Variants in SUPT3H observed in about 807,000 individuals in gnomAD.
The protein encoded by SUPT3H is SPT3 homolog, SAGA and STAGA complex component.
A neutral mutation model predicts 44.3 loss-of-function variants in SUPT3H; 44 were observed. The observed-to-expected ratio is 0.99, with a 90% CI of 0.78 to 1.28. The LOEUF (loss-of-function observed/expected upper bound fraction) is 1.28. Ranked by LOEUF, SUPT3H falls within the 50% of genes most tolerant of loss-of-function variation. The probability of loss-of-function intolerance (pLI) is 0.00; values close to 1 mark genes in which losing one functional copy is unlikely to be tolerated. For synonymous variants in SUPT3H, 124 were observed against 125.6 expected, an observed-to-expected ratio of 0.99 and a Z score of 0.09; for missense variants, 380 against 387.1, an observed-to-expected ratio of 0.98 and a Z score of 0.15.
intron 10 of SUPT3H, among the ~76,000 whole-genome samples, chr6:44,922,954 C>T (rs1392829533): frequency 1.3e-5 from 2 of 152,044 alleles, no homozygotes; most frequent in African/African-American, 4.8e-5. Flanking sequence ...TTTTCCTTTT[C>T]AGAGTCACTC....
intron 10 of SUPT3H, among the ~76,000 whole-genome samples, chr6:44,905,312 A>T (rs939879025): frequency 1.3e-5 from 2 of 152,228 alleles, no homozygotes; most frequent in Non-Finnish European, 2.9e-5. Context: ...ATGATCTCCA[A>T]CAATTTACAA....
intron 6 of SUPT3H, among the ~76,000 whole-genome samples, chr6:44,987,197 G>T (rs1346411618): frequency 6.7e-6 from 1 of 149,184 alleles, no homozygotes; most frequent in African/African-American, 2.5e-5. Context: ...CTACTCTCAT[G>T]ACTTAGTCTA....
intron 10 of SUPT3H, among the ~76,000 whole-genome samples, chr6:44,921,284 T>C (rs1412931946): frequency 2.6e-5 from 4 of 152,236 alleles, no homozygotes; most frequent in Admixed American, 2.0e-4. Flanking sequence ...TCAAGTGCTG[T>C]CCTTTGTATG....
chr6:45,221,715 T>G lies in SUPT3H; in HGVS notation c.102-115709A>C, dbSNP rs185092543. Among the ~76,000 whole-genome samples, 725 of 152,280 alleles carry G rather than the reference T, an allele frequency of 4.8e-3. 8 individuals carry two copies. The highest frequency in any genetic ancestry group is 0.02 in the South Asian group (95 of 4,832). On this transcript the variant is annotated intron_variant, in intron 2 of 10. Transcript: ENST00000371459. ...TAATCCCATCAAGGTTTTTTCTTTT[T>G]GTAGACATAGGGAAGCTTATTCTAA...
At chr6:45,121,279 G>A (rs1325451827) in intron 2 of SUPT3H, among the ~76,000 whole-genome samples, 3 of 152,064 alleles carry the variant, frequency 2.0e-5, no homozygotes, top group African/African-American at 7.2e-5. Context: ...CTTGGAGAAC[G>A]TCCCATTTTT....
chr6:44,959,788 G>A (rs1775738410), intron 7 of SUPT3H, among the ~76,000 whole-genome samples: 2 of 152,124 alleles, frequency 1.3e-5, no homozygotes. Context: ...TCCAGGGATG[G>A]CTATGATCAA....
intron 2 of SUPT3H, chr6:45,328,544 C>A: frequency 3.2e-6 from 5 of 1,572,976 alleles, no homozygotes; most frequent in Non-Finnish European, 4.3e-6. Flanking sequence ...TGTTTCTTTG[C>A]TTTTCACATG....
At chr6:45,049,654 C>CT in intron 3 of SUPT3H, among the ~76,000 whole-genome samples, 1 of 152,252 alleles carries the variant, frequency 6.6e-6, no homozygotes, top group South Asian at 2.1e-4. Context: ...TTAAAGTAGT[C>CT]TTTGAGTATA....
chr6:44,993,663 C>T (rs1294745209), intron 6 of SUPT3H, among the ~76,000 whole-genome samples: 2 of 152,090 alleles, frequency 1.3e-5, no homozygotes, highest in Admixed American at 1.3e-4. Context: ...GTTCCTATGC[C>T]AGAATAACAT....
chr6:45,195,839 T>A lies in SUPT3H; in HGVS notation c.102-89833A>T, dbSNP rs1815924718. ...GGTGAAAAACAATTGGATTCATGAG[T>A]CTTTAGTTTGAATCTCACTGAGGTC... On this transcript the variant is annotated intron_variant, in intron 2 of 10. Transcript: ENST00000371459. Among the ~76,000 whole-genome samples the A allele has an allele frequency of 1.3e-5, 2 of 152,102 alleles. 1 individual carries two copies. The highest frequency in any genetic ancestry group is 4.1e-4 in the South Asian group (2 of 4,826).
intron 6 of SUPT3H, 68 bp downstream of exon 6, chr6:45,003,585 T>C (rs906858834): frequency 2.0e-5 from 30 of 1,536,314 alleles, no homozygotes; most frequent in Admixed American, 1.4e-4. Flanking sequence ...AACATGAGAA[T>C]AGGACCAAAC....
At chr6:45,273,942 T>C (rs1318428534) in intron 2 of SUPT3H, among the ~76,000 whole-genome samples, 2 of 152,234 alleles carry the variant, frequency 1.3e-5, no homozygotes, top group Non-Finnish European at 2.9e-5. Flanking sequence ...ATCAACATTG[T>C]AAGGTTTCAA....
chr6:44,825,253 A>G (rs1000835817), downstream of SUPT3H, among the ~76,000 whole-genome samples: 4 of 152,248 alleles, frequency 2.6e-5, no homozygotes, highest in Non-Finnish European at 5.9e-5. Context: ...GCATGAGCCT[A>G]TATAATTATA....
chr6:44,882,341 G>C (rs531511044), intron 10 of SUPT3H, among the ~76,000 whole-genome samples: 1 of 152,194 alleles, frequency 6.6e-6, no homozygotes, highest in South Asian at 2.1e-4. Flanking sequence ...CTAAGAAGAA[G>C]TACAATCCCT....
intron 10 of SUPT3H, among the ~76,000 whole-genome samples, chr6:44,883,618 T>A (rs944333052): frequency 1.3e-5 from 2 of 151,938 alleles, no homozygotes; most frequent in African/African-American, 4.8e-5. Context: ...AAATTGTAAC[T>A]ATACTACAAG....
intron 9 of SUPT3H, among the ~76,000 whole-genome samples, chr6:44,947,199 C>G (rs942049824): frequency 2.0e-5 from 3 of 152,114 alleles, no homozygotes; most frequent in Non-Finnish European, 2.9e-5. Flanking sequence ...ACCAGGAAAG[C>G]AGAAAATTTG....
At chr6:45,370,335 T>C (rs924502783) in intron 1 of SUPT3H, among the ~76,000 whole-genome samples, 1 of 152,100 alleles carries the variant, frequency 6.6e-6, no homozygotes, top group Non-Finnish European at 1.5e-5. Context: ...TTCTGGAGCC[T>C]TAGAAACTGG....
At chr6:45,173,721 A>G (rs956854147) in intron 2 of SUPT3H, among the ~76,000 whole-genome samples, 1 of 152,228 alleles carries the variant, frequency 6.6e-6, no homozygotes, top group Admixed American at 6.5e-5. Context: ...AGAGCCAGAA[A>G]AGGCCACATA....
At chr6:45,165,163 C>G (rs189601086) in intron 2 of SUPT3H, among the ~76,000 whole-genome samples, 1 of 152,158 alleles carries the variant, frequency 6.6e-6, no homozygotes, top group African/African-American at 2.4e-5. Context: ...AATTCCCTGT[C>G]TGTGGTGCAA....
Sources: allele counts gnomAD v4.1 joint callset (sites outside exome capture counted in the v4.1 genomes callset), GRCh38; gene constraint gnomAD v4.1.1; transcripts MANE v1.5; gene names NCBI Gene and HGNC (gene_info 2026-07-23, HGNC 2026-07-21).